Variants in LUZP2 observed in about 807,000 individuals in gnomAD.
LUZP2 encodes leucine zipper protein 2.
In LUZP2, 52 loss-of-function variants were observed where a neutral mutation model predicts 51.6. That is an observed-to-expected ratio of 1.01 (90% confidence interval 0.81 to 1.27). The LOEUF (loss-of-function observed/expected upper bound fraction) is 1.27, where lower values mean the gene tolerates loss of function less well. Ranked by LOEUF, LUZP2 falls within the 50% of genes most tolerant of loss-of-function variation. The pLI, the probability that LUZP2 is intolerant of heterozygous loss-of-function variation, is 0.00. For synonymous variants in LUZP2, 154 were observed against 137.3 expected (o/e 1.12, Z -0.85); for missense variants, 436 against 395.4 (o/e 1.10, Z -0.87).
At chr11:24,727,833 CTATA>C (rs202173943) in intron 1 of LUZP2, among the ~76,000 whole-genome samples, 2,487 of 151,692 alleles carry the variant, frequency 0.016, 36 homozygotes, top group Non-Finnish European at 0.024. Context: ...TGCTAGATAC[CTATA>C]TTTAGCAAAT....
At chr11:24,750,977 G>A (rs1054793219) in intron 4 of LUZP2, among the ~76,000 whole-genome samples, 2 of 152,074 alleles carry the variant, frequency 1.3e-5, no homozygotes, top group Non-Finnish European at 2.9e-5. Context: ...CATGTCCGAT[G>A]CTGTGATTTT....
chr11:24,786,561 TA>T, intron 5 of LUZP2: 1 of 355,164 alleles, frequency 2.8e-6, no homozygotes, highest in Non-Finnish European at 3.9e-6. Context: ...CAGGTGTATA[TA>T]ATTATATAAT....
intron 10 of LUZP2, among the ~76,000 whole-genome samples, chr11:25,073,958 C>T (rs1487016594): frequency 6.6e-6 from 1 of 152,074 alleles, no homozygotes; most frequent in Admixed American, 6.6e-5. Context: ...GCCAAAGAAC[C>T]CGAAGCCCAG....
intron 1 of LUZP2, among the ~76,000 whole-genome samples, chr11:24,576,464 T>G (rs929370497): frequency 6.6e-6 from 1 of 151,500 alleles, no homozygotes; most frequent in East Asian, 1.9e-4. Flanking sequence ...CAAGCCATAT[T>G]TGACACAGGT....
Position 24,914,532 on chromosome 11 carries a change from A to T in LUZP2, c.516A>T (p.Leu172Phe), listed in dbSNP as rs141661368. The T allele has an allele frequency of 1.0e-5, 16 of 1,604,680 alleles. No individual in the cohort carries two copies. In the African/African-American group the frequency reaches 1.6e-4, roughly 16 times the overall value. ...KELRYGKKDL[L>F]FKAQQLTDLE... ...TTCGTTATGGGAAGAAGGATTTATT[A>T]TTTAAGGTGAGTCTCTTTTCTCTCT... Residue 172 changes from leucine (L) to phenylalanine (F), a missense_variant, in exon 7 of 12, where the codon TTA (leucine) becomes TTT (phenylalanine). By Grantham distance (22) the Leu-to-Phe change is conservative. Coordinates refer to ENST00000336930, the MANE Select transcript of LUZP2 (RefSeq NM_001009909.4).
Position 24,546,963 on chromosome 11 carries a change from T to G in LUZP2, c.62+49658T>G, listed in dbSNP as rs12366150. On this transcript the variant is annotated intron_variant, in intron 1 of 11. Coordinates refer to ENST00000336930, the MANE Select transcript of LUZP2 (RefSeq NM_001009909.4). ...GTTTTTGTTGTTGTTGTTGTTGTTGTTGGTGGTGGTGGTGGTGGTGGTGGT... is the reference window on the plus strand; with the variant it reads ...GTTTTTGTTGTTGTTGTTGTTGTTGGTGGTGGTGGTGGTGGTGGTGGTGGT... Among the ~76,000 whole-genome samples, 207 of 105,560 alleles carry G rather than the reference T, an allele frequency of 2.0e-3. 1 individual carries two copies. Among genetic ancestry groups the G allele is most frequent in the East Asian group, 0.012 (51 of 4,140 alleles). The allele number at this position is 105,560 out of a possible 152,430, so 69.3% of individuals were successfully genotyped here.
intron 9 of LUZP2, among the ~76,000 whole-genome samples, chr11:25,012,798 A>G (rs1857021645): frequency 6.6e-6 from 1 of 152,184 alleles, no homozygotes; most frequent in Non-Finnish European, 1.5e-5. Flanking sequence ...TACATCCACT[A>G]TGAAGACACT....
chr11:24,959,182 G>T (rs1855312006), intron 7 of LUZP2, among the ~76,000 whole-genome samples: 1 of 152,106 alleles, frequency 6.6e-6, no homozygotes, highest in Non-Finnish European at 1.5e-5. Flanking sequence ...TTGAAGTCAG[G>T]TAGTGTGATG....
chr11:25,048,547 G>A (rs969243535), intron 9 of LUZP2, among the ~76,000 whole-genome samples: 2 of 152,204 alleles, frequency 1.3e-5, no homozygotes, highest in Non-Finnish European at 1.5e-5. Context: ...CAGAACACTG[G>A]CTTGTTCATT....
At position 24,583,903 on chromosome 11, in the gene LUZP2, G is replaced by T. The variant is rs985859783; in HGVS notation, c.62+86598G>T. 3.0e-4 allele frequency among the ~76,000 whole-genome samples: 45 copies of T among 151,088 alleles called. 1 individual carries two copies. Among genetic ancestry groups the T allele is most frequent in the Middle Eastern group, 3.4e-3 (1 of 294 alleles). ...TATTTTTTTTTTTTTTGGTAGAGAC[G>T]GGGTTTCACCGTGTTAGCGAGGATG... On this transcript the variant is annotated intron_variant, in intron 1 of 11. Coordinates refer to ENST00000336930, the MANE Select transcript of LUZP2 (RefSeq NM_001009909.4).
At chr11:24,961,456 A>G (rs1312583746) in intron 7 of LUZP2, among the ~76,000 whole-genome samples, 4 of 151,962 alleles carry the variant, frequency 2.6e-5, no homozygotes, top group South Asian at 4.2e-4. Context: ...ATATATTTAG[A>G]ATAGTTAGCT....
intron 1 of LUZP2, among the ~76,000 whole-genome samples, chr11:24,543,989 TCAGAGCCTGAAAACC>T (rs1340237626): frequency 3.3e-5 from 5 of 152,164 alleles, no homozygotes; most frequent in African/African-American, 1.2e-4. Flanking sequence ...TGCTTGCCAC[TCAGAGCCTGAAAACC>T]CAAGAAGTGA....
intron 1 of LUZP2, among the ~76,000 whole-genome samples, chr11:24,621,289 A>G (rs1246590910): frequency 1.3e-5 from 2 of 152,254 alleles, no homozygotes; most frequent in African/African-American, 4.8e-5. Context: ...AGAAAAAGAC[A>G]CTAACCTGCT....
chr11:24,635,442 A>G (rs201646178), intron 1 of LUZP2, among the ~76,000 whole-genome samples: 1 of 104,394 alleles, frequency 9.6e-6, no homozygotes, highest in Admixed American at 9.8e-5. Flanking sequence ...GTGTGTGTGT[A>G]TTCACAAGTC....
In LUZP2 at chr11:24,811,893, C is replaced by A. The variant is rs550750039; in HGVS notation, c.396+48585C>A. ...AGTTTTCAAAGGTCAGCGAATGGGGCCAAGGAAACTGAGAAGGAATAGCCA... is the reference window on the plus strand; with the variant it reads ...AGTTTTCAAAGGTCAGCGAATGGGGACAAGGAAACTGAGAAGGAATAGCCA... On this transcript the variant is annotated intron_variant, in intron 5 of 11. Transcript: ENST00000336930. Among the ~76,000 whole-genome samples, 33 of 152,038 alleles carry A rather than the reference C, an allele frequency of 2.2e-4. No individual in the cohort carries two copies. In the South Asian group the frequency reaches 5.8e-3, roughly 27 times the overall value.
chr11:24,869,024 A>C (rs1486716), intron 5 of LUZP2, among the ~76,000 whole-genome samples: 21,687 of 152,046 alleles, frequency 0.14, 1,614 homozygotes, highest in African/African-American at 0.17. Flanking sequence ...CTTTGCCAGG[A>C]GTTTTTGGAA....
intron 1 of LUZP2, among the ~76,000 whole-genome samples, chr11:24,509,377 T>C (rs1394690414): frequency 1.3e-5 from 2 of 151,772 alleles, no homozygotes; most frequent in African/African-American, 2.4e-5. Flanking sequence ...CATAGACTGA[T>C]ACACTTGCCT....
At position 24,896,450 on chromosome 11, in the gene LUZP2, G is replaced by T. The variant is rs536216514; in HGVS notation, c.397-9541G>T. Among the ~76,000 whole-genome samples the T allele has an allele frequency of 1.5e-3, 233 of 152,300 alleles. 1 individual carries two copies. The highest frequency in any genetic ancestry group is 2.6e-3 in the Non-Finnish European group (180 of 68,020). On this transcript the variant is annotated intron_variant, in intron 5 of 11. Coordinates refer to ENST00000336930, the MANE Select transcript of LUZP2 (RefSeq NM_001009909.4). ...TAGCACCTGGGCCAGCAGCTGCAGAGGGGGCGCCGGGTCCCCAGCACCACC... is the reference window on the plus strand; with the variant it reads ...TAGCACCTGGGCCAGCAGCTGCAGATGGGGCGCCGGGTCCCCAGCACCACC...
At chr11:24,916,904 G>T (rs1327247866) in intron 7 of LUZP2, among the ~76,000 whole-genome samples, 1 of 152,134 alleles carries the variant, frequency 6.6e-6, no homozygotes, top group African/African-American at 2.4e-5. Context: ...CTGAGGAATG[G>T]CCACACTGTC....
Sources: gnomAD v4.1 joint callset for allele counts (sites outside exome capture counted in the v4.1 genomes callset) on GRCh38, gnomAD v4.1.1 for gene constraint, MANE v1.5 for transcripts, NCBI Gene and HGNC (gene_info 2026-07-23, HGNC 2026-07-21) for gene names.